The following HS6ST2 variants were observed in gnomAD, a reference collection of about 807,000 sequenced individuals.
HS6ST2 encodes the protein heparan-sulfate 6-O-sulfotransferase 2.
HS6ST2 carries 17 observed loss-of-function variants against 33.0 expected under a neutral mutation model. The observed-to-expected ratio is 0.52, with a 90% confidence interval of 0.35 to 0.77. The LOEUF is 0.77. HS6ST2 is among the 30% of genes least tolerant of loss of function. HS6ST2 has a pLI of 0.01. For missense variants in HS6ST2, 519 were observed against 551.7 expected, an observed-to-expected ratio of 0.94 and a Z score of 0.59; for synonymous variants, 248 against 237.1, an observed-to-expected ratio of 1.05 and a Z score of -0.42.
At chrX:132,821,126 T>G (rs746162739) in intron 2 of HS6ST2, among the ~76,000 whole-genome samples, 1 of 110,589 alleles carries the variant, frequency 9.0e-6, no homozygotes, top group Non-Finnish European at 1.9e-5. Context: ...AGAGAATATT[T>G]CTTACTTATA....
intron 2 of HS6ST2, among the ~76,000 whole-genome samples, chrX:132,773,140 A>T (rs1328803770): frequency 1.0e-5 from 1 of 98,940 alleles, no homozygotes; most frequent in Non-Finnish European, 2.0e-5. Flanking sequence ...TATATTAATC[A>T]TGTGAATATA....
intron 2 of HS6ST2, among the ~76,000 whole-genome samples, chrX:132,763,198 G>A (rs190450670): frequency 1.8e-3 from 197 of 112,002 alleles, no homozygotes; most frequent in Middle Eastern, 4.6e-3. Context: ...TTGAAGAGTG[G>A]CTTGTGGGGT....
chrX:132,677,615 A>G (rs2063933546), intron 3 of HS6ST2, among the ~76,000 whole-genome samples: 1 of 112,398 alleles, frequency 8.9e-6, no homozygotes, highest in Non-Finnish European at 1.9e-5. Context: ...TAAAGGAGTC[A>G]TGTGGCTTTG....
At chrX:132,777,606 T>A (rs1465277568) in intron 2 of HS6ST2, among the ~76,000 whole-genome samples, 1 of 103,729 alleles carries the variant, frequency 9.6e-6, no homozygotes, top group African/African-American at 3.5e-5. Context: ...TAATTTTTTT[T>A]TTTTTTTTTT....
rs779585327 is a variant in HS6ST2 at position 132,828,693 on chromosome X, TACACACACAC to T, written c.948-120209_948-120200del. On this transcript the variant is annotated intron_variant, in intron 2 of 4. Coordinates refer to ENST00000370833, the MANE Select transcript of HS6ST2 (RefSeq NM_001394073.1). ...ATATCATATTTTATATATATATATATACACACACACACACACACACACACACACACACACA... is the reference window on the plus strand; with the variant it reads ...ATATCATATTTTATATATATATATATACACACACACACACACACACACACA... Among the ~76,000 whole-genome samples the T allele has an allele frequency of 2.1e-3, 153 of 72,848 alleles. 10 individuals are homozygous for T. The highest frequency in any genetic ancestry group is 4.6e-3 in the African/African-American group (78 of 17,110). The allele number at this position is 72,848 out of a possible 115,157, so 63.3% of individuals were successfully genotyped here.
rs367996331 is a variant in HS6ST2 at position 132,722,057 on chromosome X, G to A, written c.948-13563C>T. ...CAAAAAATTAGCCGGGCGTGTTGGC[G>A]GGCGCCTGTAGTCCCAGCTACTTGG... On this transcript the variant is annotated intron_variant, in intron 2 of 4. Coordinates refer to ENST00000370833, the MANE Select transcript of HS6ST2 (RefSeq NM_001394073.1). Among the ~76,000 whole-genome samples, 10 of 108,586 alleles carry A rather than the reference G, an allele frequency of 9.2e-5. No homozygotes were observed. In the East Asian group the frequency reaches 2.3e-3, roughly 25 times the overall value. The allele number at this position is 108,586 out of a possible 115,157, so 94.3% of individuals were successfully genotyped here.
chrX:132,944,539 T>G (rs1380400623), intron 2 of HS6ST2, among the ~76,000 whole-genome samples: 1 of 111,868 alleles, frequency 8.9e-6, no homozygotes, highest in African/African-American at 3.3e-5. Flanking sequence ...AGAGCTCACA[T>G]TGCCAAGTCA....
At chrX:132,916,676 T>C (rs1047963539) in intron 2 of HS6ST2, among the ~76,000 whole-genome samples, 1 of 112,136 alleles carries the variant, frequency 8.9e-6, no homozygotes, top group African/African-American at 3.2e-5. Flanking sequence ...TGCTGGATGC[T>C]TCCTGCCCCT....
intron 2 of HS6ST2, among the ~76,000 whole-genome samples, chrX:132,865,430 A>G (rs1359811095): frequency 2.7e-5 from 3 of 109,819 alleles, no homozygotes; most frequent in Non-Finnish European, 5.7e-5. Context: ...TAATGCCGCA[A>G]TAAACATACG....
At chrX:132,697,341 C>G (rs1273643592) in intron 3 of HS6ST2, among the ~76,000 whole-genome samples, 1 of 111,404 alleles carries the variant, frequency 9.0e-6, no homozygotes, top group Non-Finnish European at 1.9e-5. Context: ...AGATTTGCTA[C>G]TAGAAATGGA....
chrX:132,811,080 C>T (rs1378278261), intron 2 of HS6ST2, among the ~76,000 whole-genome samples: 2 of 112,458 alleles, frequency 1.8e-5, no homozygotes, highest in African/African-American at 6.5e-5. Context: ...ACAAGTTCTC[C>T]AAGTGATTGT....
At position 132,720,752 on chromosome X, in the gene HS6ST2, CA is replaced by C. The variant is rs1324557110; in HGVS notation, c.948-12259del. ...AAAGATATTCCATGCCAATGGAAAC[CA>C]AAAAAAAAAAAGAGTAGGACTAGCT... On this transcript the variant is annotated intron_variant, in intron 2 of 4. Coordinates refer to ENST00000370833, the MANE Select transcript of HS6ST2 (RefSeq NM_001394073.1). Among the ~76,000 whole-genome samples, 144 of 84,805 alleles carry C rather than the reference CA, an allele frequency of 1.7e-3. 1 individual carries two copies. Among genetic ancestry groups the C allele is most frequent in the Middle Eastern group, 6.1e-3 (1 of 164 alleles). The allele number at this position is 84,805 out of a possible 115,157, so 73.6% of individuals were successfully genotyped here. A position where few individuals can be genotyped will look rare whatever the true frequency, so the allele number is the denominator to read the frequency against.
rs2063499301 is a variant in HS6ST2, at chrX:132,629,065, C to T, written c.1096G>A (p.Asp366Asn). Reference sequence around the variant, plus strand: ...TCACTCAAGTACCGGGACACTGGGTCTCGGAGGATGGTGATGTAGTGGAAG... The same window carrying T: ...TCACTCAAGTACCGGGACACTGGGTTTCGGAGGATGGTGATGTAGTGGAAG... ...KNFHYITILRDPVSRYLSEWR... is the reference protein window; with the variant it reads ...KNFHYITILRNPVSRYLSEWR... Residue 366 changes from aspartate (D) to asparagine (N), a missense_variant, in exon 5 of 5, where the codon GAC (aspartate) becomes AAC (asparagine). Asp to Asn is a conservative substitution (Grantham distance 23). Coordinates refer to ENST00000370833, the MANE Select transcript of HS6ST2 (RefSeq NM_001394073.1). The T allele has an allele frequency of 8.3e-7, 1 of 1,200,030 alleles. No homozygotes were observed. The highest frequency in any genetic ancestry group is 1.1e-6 in the Non-Finnish European group (1 of 888,893).
chrX:132,628,317 C>T lies in HS6ST2; in HGVS notation c.1844G>A (p.Arg615Gln), dbSNP rs1379425881. 29 of 1,165,931 alleles carry T rather than the reference C, an allele frequency of 2.5e-5. No individual in the cohort carries two copies. In the East Asian group the frequency reaches 4.9e-4, roughly 20 times the overall value. ...GCCTGAGTTCTGCTTCGGGCTTTCC[C>T]GGTTCTCCTTCTGGCTCAAACTCTG... ...LTQSLSQKEN[R>Q]ESPKQNSGKE... Residue 615 changes from arginine (R) to glutamine (Q), a missense_variant, in exon 5 of 5, where the codon CGG becomes CAG. By Grantham distance (43) the Arg-to-Gln change is conservative. Transcript: ENST00000370833.
chrX:132,923,062 CAAAAAAAAAAAA>C (rs34136355), intron 2 of HS6ST2, among the ~76,000 whole-genome samples: 881 of 47,599 alleles, frequency 0.019, 9 homozygotes, highest in Middle Eastern at 0.073. Flanking sequence ...GACTCTGTCT[CAAAAAAAAAAAA>C]AAAAAAAAAA....
At chrX:132,808,002 G>C (rs186752673) in intron 2 of HS6ST2, among the ~76,000 whole-genome samples, 447 of 111,920 alleles carry the variant, frequency 4.0e-3, no homozygotes, top group African/African-American at 0.014. Context: ...GGCTGGCTTG[G>C]TGCATTTACT....
chrX:132,778,863 TC>T (rs1184030213), intron 2 of HS6ST2, among the ~76,000 whole-genome samples: 1 of 111,995 alleles, frequency 8.9e-6, no homozygotes, highest in Non-Finnish European at 1.9e-5. Flanking sequence ...ATTTCACACT[TC>T]CTGAAAAGCT....
chrX:132,636,279 G>A (rs1432090278), intron 4 of HS6ST2, among the ~76,000 whole-genome samples: 2 of 111,570 alleles, frequency 1.8e-5, no homozygotes, highest in Non-Finnish European at 3.8e-5. Context: ...AAAGCCACTA[G>A]ATGTCACTAT....
chrX:132,771,919 CAATT>C (rs1306142793), intron 2 of HS6ST2, among the ~76,000 whole-genome samples: 1 of 111,661 alleles, frequency 9.0e-6, no homozygotes, highest in African/African-American at 3.2e-5. Flanking sequence ...ATGTATCAAT[CAATT>C]TTCTTTTCTC....
Sources: gnomAD v4.1 joint callset for allele counts (sites outside exome capture counted in the v4.1 genomes callset) on GRCh38, gnomAD v4.1.1 for gene constraint, MANE v1.5 for transcripts, NCBI Gene and HGNC (gene_info 2026-07-23, HGNC 2026-07-21) for gene names.